The following COL22A1 variants were observed in gnomAD, a reference collection of about 807,000 sequenced individuals.
The protein encoded by COL22A1 is collagen alpha-1(XXII) chain.
COL22A1 carries 221 observed loss-of-function variants against 248.9 expected under a neutral mutation model. The observed-to-expected ratio is 0.89, with a 90% CI of 0.80 to 0.99. COL22A1 has a LOEUF of 0.99. COL22A1 is among the 50% of genes least tolerant of loss of function. The pLI is 0.00. For missense variants in COL22A1, 2,240 were observed against 2,179.0 expected (o/e 1.03, Z -0.56); for synonymous variants, 891 against 793.4 (o/e 1.12, Z -2.07).
intron 1 of COL22A1, among the ~76,000 whole-genome samples, chr8:138,904,177 G>A (rs567014843): frequency 6.6e-6 from 1 of 152,040 alleles, no homozygotes; most frequent in African/African-American, 2.4e-5. Context: ...CTCACACGGG[G>A]AGTCCCTGCT....
At chr8:138,776,061 G>T (rs758726210) in intron 15 of COL22A1, 51 bp from the exon 16 acceptor site, 1 of 1,586,040 alleles carries the variant, frequency 6.3e-7, no homozygotes, top group Non-Finnish European at 8.7e-7. Flanking sequence ...TGGCTTCTCT[G>T]TGCTCACCGT....
intron 62 of COL22A1, among the ~76,000 whole-genome samples, chr8:138,594,474 C>T (rs1192985459): frequency 6.6e-6 from 1 of 152,190 alleles, no homozygotes; most frequent in South Asian, 2.1e-4. Flanking sequence ...TAGTGACCAT[C>T]GCTGCCCCTG....
In COL22A1 at chr8:138,619,474, T is replaced by A. The variant is rs1222524570; in HGVS notation, c.3806A>T (p.Glu1269Val). 1 of 1,614,144 alleles carries A rather than the reference T, an allele frequency of 6.2e-7. No individual in the cohort carries two copies. The highest frequency in any genetic ancestry group is 8.5e-7 in the Non-Finnish European group (1 of 1,180,000). ...KAGEPGLPGP[E>V]GARGPPGFKG... ...ACTTACAGGTGGGCCTCGGGCACCC[T>A]CTGGTCCTGGTAGACCTGGCTCTCC... The change falls in exon 53 of 65, where the codon GAG becomes GTG. Residue 1269 changes from glutamate (E) to valine (V), a missense_variant. Physicochemically the swap from Glu to Val is moderately radical, Grantham distance 121. Coordinates refer to ENST00000303045, the MANE Select transcript of COL22A1 (RefSeq NM_152888.3).
intron 23 of COL22A1, among the ~76,000 whole-genome samples, chr8:138,728,544 C>T (rs535144249): frequency 6.6e-6 from 1 of 152,158 alleles, no homozygotes; most frequent in South Asian, 2.1e-4. Flanking sequence ...CTGACCAGCC[C>T]CTCGCTCTGG....
chr8:138,696,989 A>C (rs1827558510), intron 32 of COL22A1, among the ~76,000 whole-genome samples: 1 of 152,216 alleles, frequency 6.6e-6, no homozygotes, highest in African/African-American at 2.4e-5. Context: ...TTCAGGAGAC[A>C]CACAGGGAAG....
intron 11 of COL22A1, among the ~76,000 whole-genome samples, chr8:138,800,784 T>C (rs2131621516): frequency 6.6e-6 from 1 of 152,280 alleles, no homozygotes; most frequent in African/African-American, 2.4e-5. Flanking sequence ...CCTCCCAATC[T>C]CCCTTCCTTT....
chr8:138,650,648 C>T (rs1822629925), intron 45 of COL22A1, among the ~76,000 whole-genome samples: 1 of 151,714 alleles, frequency 6.6e-6, no homozygotes. Context: ...AAGTAAAGCA[C>T]TTAGAATACT....
chr8:138,751,200 C>G lies in COL22A1; in HGVS notation c.2085+258G>C, dbSNP rs185492751. Among the ~76,000 whole-genome samples, 96 of 152,268 alleles carry G rather than the reference C, an allele frequency of 6.3e-4. 1 individual carries two copies. The highest frequency in any genetic ancestry group is 2.1e-3 in the East Asian group (11 of 5,174). On this transcript the variant is annotated intron_variant, in intron 22 of 64. Transcript: ENST00000303045. Reference sequence around the variant, plus strand: ...TCCCTGCTCTGGGGCTGTGATCACCCAATGGATTCATGTCTCTCTATATAT... The same window carrying G: ...TCCCTGCTCTGGGGCTGTGATCACCGAATGGATTCATGTCTCTCTATATAT...
At chr8:138,815,075 C>T (rs1236244876) in intron 7 of COL22A1, among the ~76,000 whole-genome samples, 1 of 152,216 alleles carries the variant, frequency 6.6e-6, no homozygotes, top group Non-Finnish European at 1.5e-5. Context: ...CACGCTTTCT[C>T]TTGCCTGTTG....
chr8:138,725,074 T>A (rs947362850), intron 24 of COL22A1, among the ~76,000 whole-genome samples: 2 of 152,272 alleles, frequency 1.3e-5, no homozygotes, highest in East Asian at 3.9e-4. Context: ...CTGTTTTGCC[T>A]CAAAGCCAAA....
At chr8:138,765,147 A>C (rs770008507) in intron 16 of COL22A1, among the ~76,000 whole-genome samples, 2 of 152,136 alleles carry the variant, frequency 1.3e-5, no homozygotes, top group African/African-American at 2.4e-5. Flanking sequence ...AGGCCGGAGG[A>C]GGTGAAGCCA....
rs535141556 is a variant in COL22A1 at position 138,684,362 on chromosome 8, T to A, written c.3012+63A>T. 31 of 1,073,088 alleles carry A rather than the reference T, an allele frequency of 2.9e-5. No individual in the cohort carries two copies. The East Asian group carries it at 7.3e-4, about 25-fold the overall frequency. The allele number at this position is 1,073,088 out of a possible 1,614,324, so 66.5% of individuals were successfully genotyped here. A position where few individuals can be genotyped will look rare whatever the true frequency, so the allele number is the denominator to read the frequency against. On this transcript the variant is annotated intron_variant, in intron 39 of 64. Coordinates refer to ENST00000303045, the MANE Select transcript of COL22A1 (RefSeq NM_152888.3). ...TAACCGGAGATGCTTATAATCAATT[T>A]TTCCACGTTCTCTTTCAAACGGCAA...
intron 32 of COL22A1, among the ~76,000 whole-genome samples, chr8:138,697,959 G>T (rs1309081743): frequency 6.6e-6 from 1 of 152,206 alleles, no homozygotes; most frequent in Non-Finnish European, 1.5e-5. Context: ...CCAGGCTCCC[G>T]CAGCAATGCA....
chr8:138,602,045 C>A, intron 60 of COL22A1, 70 bp downstream of exon 60: 2 of 1,553,816 alleles, frequency 1.3e-6, no homozygotes, highest in Admixed American at 1.7e-5. Context: ...AAAGGCCAGG[C>A]TCAACATCCT....
At chr8:138,699,904 G>A (rs564351771) in intron 32 of COL22A1, among the ~76,000 whole-genome samples, 2 of 152,350 alleles carry the variant, frequency 1.3e-5, no homozygotes, top group African/African-American at 4.8e-5. Context: ...TAGGCCCCTG[G>A]AATGTCCTGC....
At chr8:138,664,209 GCACACACA>G (rs1173353118) in intron 41 of COL22A1, among the ~76,000 whole-genome samples, 1,365 of 103,022 alleles carry the variant, frequency 0.013, 33 homozygotes, top group Admixed American at 0.023. Context: ...GCGCGCGCGC[GCACACACA>G]CACACACACA....
chr8:138,870,416 G>A (rs1823240228), intron 3 of COL22A1, among the ~76,000 whole-genome samples: 1 of 151,476 alleles, frequency 6.6e-6, no homozygotes, highest in Admixed American at 6.6e-5. Flanking sequence ...TGTTTCTGTG[G>A]GGTGTGTGTG....
At chr8:138,755,906 T>C in intron 18 of COL22A1, 77 bp from the exon 19 acceptor site, 3 of 1,305,622 alleles carry the variant, frequency 2.3e-6, no homozygotes, top group South Asian at 1.2e-5. Context: ...CTGAGGCTTA[T>C]TCTTGTGGGC....
At chr8:138,601,345 G>A (rs756389696) in intron 60 of COL22A1, among the ~76,000 whole-genome samples, 3 of 152,148 alleles carry the variant, frequency 2.0e-5, no homozygotes, top group Non-Finnish European at 2.9e-5. Context: ...TCCTCTGGCT[G>A]TGGGAGAAGC....
Sources: allele counts gnomAD v4.1 joint callset (sites outside exome capture counted in the v4.1 genomes callset), GRCh38; gene constraint gnomAD v4.1.1; transcripts MANE v1.5; gene names NCBI Gene and HGNC (gene_info 2026-07-23, HGNC 2026-07-21).